Variants in CLCN3 observed in about 807,000 individuals in gnomAD.
CLCN3 encodes Cl-/H+ antiporter 3.
A neutral mutation model predicts 83.4 loss-of-function variants in CLCN3; 16 were observed. That is an observed-to-expected ratio of 0.19 (90% CI 0.13 to 0.29). CLCN3 has a LOEUF of 0.29. Ranked by LOEUF, CLCN3 falls within the 10% of genes least tolerant of loss-of-function variation. CLCN3 has a pLI of 1.00. For missense variants in CLCN3, 544 were observed against 1,006.0 expected (o/e 0.54, Z 6.21); for synonymous variants, 322 against 346.2 (o/e 0.93, Z 0.78).
chr4:169,639,401 A>C (rs1345013168), intron 2 of CLCN3, among the ~76,000 whole-genome samples: 2 of 152,210 alleles, frequency 1.3e-5, no homozygotes, highest in Non-Finnish European at 2.9e-5. Flanking sequence ...GTGGAGTAGC[A>C]GTCAAAAATA....
At chr4:169,716,653 T>G (rs879366272) in intron 12 of CLCN3, among the ~76,000 whole-genome samples, 2 of 152,158 alleles carry the variant, frequency 1.3e-5, no homozygotes, top group African/African-American at 2.4e-5. Flanking sequence ...TAAGGATCGA[T>G]ACATTATTTT....
At position 169,620,970 on chromosome 4, in the gene CLCN3, C is replaced by T. The variant is rs1206115240; in HGVS notation, c.-110C>T. 1 of 398,144 alleles carries T rather than the reference C, an allele frequency of 2.5e-6. No individual in the cohort carries two copies. Among genetic ancestry groups the T allele is most frequent in the Non-Finnish European group, 4.4e-6 (1 of 226,016 alleles). The allele number at this position is 398,144 out of a possible 1,614,324, so 24.7% of individuals were successfully genotyped here. ...TGTCAGGCTTTCTTCGGTGGAGCTC[C>T]GAGGGTAGCTAGGTTCTAGGTTTGA... On this transcript the variant is annotated 5_prime_UTR_variant, in exon 1 of 13. Transcript: ENST00000513761.
chr4:169,626,290 C>T (rs148605303), intron 1 of CLCN3, among the ~76,000 whole-genome samples: 40 of 152,332 alleles, frequency 2.6e-4, no homozygotes, highest in African/African-American at 8.9e-4. Flanking sequence ...TCCCATGGTG[C>T]GCCACCTTCC....
chr4:169,632,028 A>T lies in CLCN3; in HGVS notation c.-16-3885A>T, dbSNP rs367964636. 1.8e-4 allele frequency among the ~76,000 whole-genome samples: 27 copies of T among 152,298 alleles called. No individual in the cohort carries two copies. In the South Asian group the frequency reaches 5.6e-3, roughly 32 times the overall value. ...GTACCAATTCTACTGAAACGACTCC[A>T]AAAAATGAGGAGGGGCTCCTCCTTA... On this transcript the variant is annotated intron_variant, in intron 1 of 12. Transcript: ENST00000513761.
chr4:169,681,574 G>A (rs1731938034), intron 3 of CLCN3, among the ~76,000 whole-genome samples: 1 of 152,098 alleles, frequency 6.6e-6, no homozygotes, highest in Admixed American at 6.5e-5. Context: ...CTTTAATCCA[G>A]TGATTCTTAA....
chr4:169,690,989 CT>C (rs1324985634), intron 6 of CLCN3, among the ~76,000 whole-genome samples: 1 of 151,800 alleles, frequency 6.6e-6, no homozygotes, highest in Admixed American at 6.6e-5. Context: ...TGTTACTTTG[CT>C]GTTATGACCC....
Position 169,719,968 on chromosome 4 carries a change from C to T in CLCN3, c.2428C>T (p.Gln810Ter). The change falls in exon 13 of 13, where the codon CAA (glutamine) becomes TAA (stop). Residue 810 changes from glutamine (Q) to a stop codon, truncating the protein, a stop_gained. Coordinates refer to ENST00000513761, the MANE Select transcript of CLCN3 (RefSeq NM_001829.4). LOFTEE classifies it high-confidence loss of function. ...ILRHMAQTAN[Q>*]DPASIMFN The stretch of plus-strand genomic sequence containing the variant: ...CCGGCATATGGCCCAGACGGCAAAC[C>T]AAGACCCCGCTTCAATAATGTTCAA... The T allele has an allele frequency of 6.2e-7, 1 of 1,613,820 alleles. No individual in the cohort carries two copies. Among genetic ancestry groups the T allele is most frequent in the Non-Finnish European group, 8.5e-7 (1 of 1,179,800 alleles).
At chr4:169,706,829 T>G (rs766867266) in intron 10 of CLCN3, 39 bp from the exon 11 acceptor site, 68 of 1,552,164 alleles carry the variant, frequency 4.4e-5, no homozygotes, top group Non-Finnish European at 5.9e-5. Context: ...ATGATGAGGA[T>G]CCTGTCCTTC....
At chr4:169,715,530 A>T (rs1157664496) in intron 12 of CLCN3, among the ~76,000 whole-genome samples, 1 of 152,126 alleles carries the variant, frequency 6.6e-6, no homozygotes, top group Non-Finnish European at 1.5e-5. Context: ...AAACCCAGAA[A>T]AGAAATGATA....
At chr4:169,669,088 A>G (rs1458939978) in intron 2 of CLCN3, among the ~76,000 whole-genome samples, 1 of 152,214 alleles carries the variant, frequency 6.6e-6, no homozygotes, top group African/African-American at 2.4e-5. Context: ...GGGCAAAACA[A>G]TCAGGTTCTA....
intron 3 of CLCN3, among the ~76,000 whole-genome samples, chr4:169,686,089 C>G (rs1019861705): frequency 6.6e-6 from 1 of 151,948 alleles, no homozygotes; most frequent in Non-Finnish European, 1.5e-5. Context: ...AACCAAACAT[C>G]GCATGTTCTC....
intron 8 of CLCN3, 51 bp from the exon 9 acceptor site, chr4:169,697,138 C>T (rs868796068): frequency 1.0e-5 from 13 of 1,290,904 alleles, no homozygotes; most frequent in Middle Eastern, 5.5e-4. Context: ...ATATCAGAAA[C>T]ATCTTATAAA....
At chr4:169,656,138 T>G (rs1252841984) in intron 2 of CLCN3, among the ~76,000 whole-genome samples, 1 of 152,104 alleles carries the variant, frequency 6.6e-6, no homozygotes, top group Non-Finnish European at 1.5e-5. Context: ...TAGTGCCATA[T>G]AGTGTGTCCA....
At chr4:169,649,660 A>G (rs1372549412) in intron 2 of CLCN3, among the ~76,000 whole-genome samples, 1 of 152,254 alleles carries the variant, frequency 6.6e-6, no homozygotes, top group Non-Finnish European at 1.5e-5. Context: ...TTTAATATAT[A>G]AAACACTGCC....
chr4:169,710,646 C>T (rs541419604), intron 11 of CLCN3, among the ~76,000 whole-genome samples: 1 of 152,138 alleles, frequency 6.6e-6, no homozygotes, highest in Non-Finnish European at 1.5e-5. Context: ...ATAAGAGAAA[C>T]ATTCCATTAA....
At chr4:169,710,106 TTTTA>T (rs1046797053) in intron 11 of CLCN3, among the ~76,000 whole-genome samples, 2 of 152,200 alleles carry the variant, frequency 1.3e-5, no homozygotes, top group Non-Finnish European at 2.9e-5. Context: ...GTTTTTTAAA[TTTTA>T]TTTATTTTTA....
chr4:169,633,553 T>C (rs1021072387), intron 1 of CLCN3, among the ~76,000 whole-genome samples: 8 of 152,214 alleles, frequency 5.3e-5, no homozygotes, highest in African/African-American at 1.9e-4. Flanking sequence ...CAGATTTCCT[T>C]CTGTTATATG....
intron 7 of CLCN3, among the ~76,000 whole-genome samples, chr4:169,692,996 T>C (rs1040958867): frequency 7.9e-5 from 12 of 152,190 alleles, no homozygotes; most frequent in African/African-American, 2.9e-4. Context: ...ATATTAGCTC[T>C]AGACTTTGGG....
intron 2 of CLCN3, among the ~76,000 whole-genome samples, chr4:169,649,329 A>G (rs1730668061): frequency 6.6e-6 from 1 of 152,236 alleles, no homozygotes; most frequent in Non-Finnish European, 1.5e-5. Context: ...CTTTTCCCCA[A>G]GAGTGGTGGG....
Sources: allele counts gnomAD v4.1 joint callset (sites outside exome capture counted in the v4.1 genomes callset), GRCh38; gene constraint gnomAD v4.1.1; transcripts MANE v1.5; gene names NCBI Gene and HGNC (gene_info 2026-07-23, HGNC 2026-07-21).